The following NTSR2 variants were observed in gnomAD, a reference collection of about 807,000 sequenced individuals.
The protein encoded by NTSR2 is neurotensin receptor 2.
Under a neutral mutation model 24.1 loss-of-function variants are expected in NTSR2, and 22 were observed. The ratio of observed to expected loss-of-function variants is 0.91; its 90% CI spans 0.65 to 1.30. NTSR2 has a LOEUF of 1.30. NTSR2 is among the 50% of genes most tolerant of loss of function. The probability of loss-of-function intolerance (pLI) is 0.00; values close to 1 mark genes in which losing one functional copy is unlikely to be tolerated. For synonymous variants in NTSR2, 291 were observed against 267.0 expected (o/e 1.09, Z -0.88); for missense variants, 570 against 570.4 (o/e 1.00, Z 0.01).
intron 3 of NTSR2, 32 bp downstream of exon 3, chr2:11,660,011 C>T: frequency 6.3e-7 from 1 of 1,589,958 alleles, no homozygotes. Flanking sequence ...GGGCCCCCTC[C>T]CTGTGTGCTA....
At chr2:11,666,139 A>G (rs1159603896) in intron 1 of NTSR2, among the ~76,000 whole-genome samples, 1 of 152,116 alleles carries the variant, frequency 6.6e-6, no homozygotes, top group African/African-American at 2.4e-5. Flanking sequence ...CAGTGGGCCA[A>G]AGTGGTGGGG....
At position 11,667,545 on chromosome 2, in the gene NTSR2, A is replaced by G. The variant is rs148493787; in HGVS notation, c.624+1961T>C. 4.6e-4 allele frequency among the ~76,000 whole-genome samples: 70 copies of G among 152,210 alleles called. 1 individual carries two copies. The highest frequency in any genetic ancestry group is 8.4e-4 in the African/African-American group (35 of 41,528). ...TTTTTAGGAGAGACAGGGTTTCACTATGTTGCCCAGGCTGGTCTCGAACTC... is the reference window on the plus strand; with the variant it reads ...TTTTTAGGAGAGACAGGGTTTCACTGTGTTGCCCAGGCTGGTCTCGAACTC... On this transcript the variant is annotated intron_variant, in intron 1 of 3. Coordinates refer to ENST00000306928, the MANE Select transcript of NTSR2 (RefSeq NM_012344.4).
At chr2:11,665,062 T>A (rs999985348) in intron 1 of NTSR2, among the ~76,000 whole-genome samples, 2 of 146,698 alleles carry the variant, frequency 1.4e-5, no homozygotes, top group Non-Finnish European at 3.0e-5. Flanking sequence ...ACTGTTTTTT[T>A]TTTTTTTTTT....
At chr2:11,658,882 C>T (rs535054643) in intron 3 of NTSR2, among the ~76,000 whole-genome samples, 160 bp from the exon 4 acceptor site, 2 of 152,246 alleles carry the variant, frequency 1.3e-5, no homozygotes, top group Admixed American at 6.5e-5. Context: ...GTTTTTGAGA[C>T]GGAGTCTTGC....
chr2:11,658,699 T>C lies in NTSR2; in HGVS notation c.1013A>G (p.Tyr338Cys), dbSNP rs367870730. The C allele has an allele frequency of 1.9e-6, 3 of 1,613,960 alleles. No individual in the cohort carries two copies. The highest frequency in any genetic ancestry group is 2.2e-5 in the East Asian group (1 of 44,874). ...AAGTGTGTTGGTCACCATGTAGAAG[T>C]AGTGGTAGAAATTGTACAGTGGGCT... ...WTDPLYNFYH[Y>C]FYMVTNTLFY... Residue 338 changes from tyrosine to cysteine, a missense_variant, in exon 4 of 4, where the codon TAC (tyrosine) becomes TGC (cysteine). Transcript: ENST00000306928.
intron 1 of NTSR2, among the ~76,000 whole-genome samples, chr2:11,668,059 G>A (rs527648977): frequency 1.3e-5 from 2 of 152,186 alleles, no homozygotes; most frequent in Non-Finnish European, 2.9e-5. Context: ...CAGGACTGTG[G>A]GGCATGCTCA....
Position 11,670,097 on chromosome 2 carries a change from G to A in NTSR2, c.33C>T (p.Pro11=). The A allele has an allele frequency of 1.4e-6, 2 of 1,393,688 alleles. No individual in the cohort carries two copies. The highest frequency in any genetic ancestry group is 9.3e-7 in the Non-Finnish European group (1 of 1,080,432). The allele number at this position is 1,393,688 out of a possible 1,614,324, so 86.3% of individuals were successfully genotyped here. The change falls in exon 1 of 4, where the codon CCC becomes CCT. Residue 11 remains proline, a synonymous_variant. Coordinates refer to ENST00000306928, the MANE Select transcript of NTSR2 (RefSeq NM_012344.4). ...CCAGGCTCAGCCCCGGGTTGGAGCT[G>A]GGCCGCGGGGGCCGCGGGCTGCTGG... METSSPRPPR[P]SSNPGLSLDA...
chr2:11,668,056 G>A (rs1558699806), intron 1 of NTSR2, among the ~76,000 whole-genome samples: 1 of 152,356 alleles, frequency 6.6e-6, no homozygotes, highest in East Asian at 1.9e-4. Context: ...GGGCAGGACT[G>A]TGGGGCATGC....
chr2:11,660,224 G>C, intron 2 of NTSR2, 91 bp from the exon 3 acceptor site: 2 of 973,084 alleles, frequency 2.1e-6, no homozygotes, highest in South Asian at 2.8e-5. Flanking sequence ...ATGCCCGAGG[G>C]GATAGCAGCA....
intron 1 of NTSR2, 46 bp downstream of exon 1, chr2:11,669,460 G>GGGGGGGGGGGGGGCCCCCCC: frequency 6.7e-5 from 17 of 254,706 alleles, no homozygotes; most frequent in East Asian, 1.1e-4. Context: ...TCCCAGCACC[G>GGGGGGGGGGGGGGCCCCCCC]CCCCCCCACC....
intron 1 of NTSR2, among the ~76,000 whole-genome samples, chr2:11,667,440 C>T (rs565861473): frequency 1.1e-4 from 17 of 152,224 alleles, no homozygotes; most frequent in African/African-American, 3.6e-4. Flanking sequence ...TCAAACTCCT[C>T]GGTTCAAGGG....
chr2:11,660,182 A>C, intron 2 of NTSR2, 49 bp from the exon 3 acceptor site: 1 of 1,415,588 alleles, frequency 7.1e-7, no homozygotes, highest in Non-Finnish European at 1.0e-6. Flanking sequence ...AAGCAAACAC[A>C]TTCTCAGTTA....
chr2:11,662,219 CGAAG>C lies in NTSR2; in HGVS notation c.642_645del (p.Phe215CysfsTer6). On this transcript the variant is annotated frameshift_variant, in exon 2 of 4. Coordinates refer to ENST00000306928, the MANE Select transcript of NTSR2 (RefSeq NM_012344.4). LOFTEE classifies it high-confidence loss of function. ...AAAGCAGTTAGTGCCAAGGGGAGCA[CGAAG>C]GACACCAGCACATTCACCTGTGGAG... The C allele has an allele frequency of 6.5e-7, 1 of 1,532,398 alleles. No individual in the cohort carries two copies. The allele number at this position is 1,532,398 out of a possible 1,614,324, so 94.9% of individuals were successfully genotyped here.
chr2:11,668,738 C>T (rs4669767), intron 1 of NTSR2, among the ~76,000 whole-genome samples: 68,024 of 152,018 alleles, frequency 0.45, 16,477 homozygotes, highest in South Asian at 0.62. Flanking sequence ...TAGAACGATG[C>T]GGAAATGGAG....
In NTSR2 at chr2:11,658,256, G is replaced by C. The variant is rs558237486; in HGVS notation, c.*223C>G. The C allele has an allele frequency of 6.1e-6, 3 of 489,310 alleles. No individual in the cohort carries two copies. The South Asian group carries it at 1.5e-4, about 24-fold the overall frequency. 30.3% of individuals were successfully genotyped at this position (489,310 alleles called of 1,614,324 possible). On this transcript the variant is annotated 3_prime_UTR_variant, in exon 4 of 4. Coordinates refer to ENST00000306928, the MANE Select transcript of NTSR2 (RefSeq NM_012344.4). ...GCACTTTAGTCTCAGGCAACACTAA[G>C]AGATGGGTGCTGTTCTTTATCTCCA... is the stretch of plus-strand genomic sequence containing the variant.
chr2:11,665,158 C>T (rs903584709), intron 1 of NTSR2, among the ~76,000 whole-genome samples: 3 of 151,244 alleles, frequency 2.0e-5, no homozygotes, highest in Admixed American at 1.3e-4. Flanking sequence ...AACCCGGCTC[C>T]CAGGCATTGT....
At chr2:11,669,355 G>C in intron 1 of NTSR2, 151 bp downstream of exon 1, 1 of 637,548 alleles carries the variant, frequency 1.6e-6, no homozygotes, top group Non-Finnish European at 2.3e-6. Context: ...CCTCCTTCTA[G>C]TAAAATGGGA....
Position 11,669,737 on chromosome 2 carries a change from G to A in NTSR2, c.393C>T (p.Ala131=), listed in dbSNP as rs1432848934. The A allele has an allele frequency of 1.3e-6, 2 of 1,532,138 alleles. No homozygotes were observed. The highest frequency in any genetic ancestry group is 2.8e-5 in the African/African-American group (2 of 72,340). 94.9% of individuals were successfully genotyped at this position (1,532,138 alleles called of 1,614,324 possible). Residue 131 remains alanine, a synonymous_variant, in exon 1 of 4, where the codon GCC becomes GCT. Coordinates refer to ENST00000306928, the MANE Select transcript of NTSR2 (RefSeq NM_012344.4). ...GCTGGCACACGGCTAGGCAGCGCTC[G>A]GCGCTCAGGCCTGCCACGCTCAGCA... ...ATVLSVAGLS[A]ERCLAVCQPL...
At chr2:11,667,499 C>A (rs1661230780) in intron 1 of NTSR2, among the ~76,000 whole-genome samples, 1 of 152,082 alleles carries the variant, frequency 6.6e-6, no homozygotes, top group Admixed American at 6.6e-5. Flanking sequence ...GGCATGCCAC[C>A]ATGCCCAGCT....
Sources: gnomAD v4.1 joint callset for allele counts (sites outside exome capture counted in the v4.1 genomes callset) on GRCh38, gnomAD v4.1.1 for gene constraint, MANE v1.5 for transcripts, NCBI Gene and HGNC (gene_info 2026-07-23, HGNC 2026-07-21) for gene names.